Variants in PTPN3 observed in about 807,000 individuals in gnomAD.
PTPN3 encodes protein tyrosine phosphatase non-receptor type 3.
A neutral mutation model predicts 132.7 loss-of-function variants in PTPN3; 96 were observed. The ratio of observed to expected loss-of-function variants is 0.72; its 90% CI spans 0.61 to 0.86. PTPN3 has a LOEUF of 0.86. PTPN3 is among the 40% of genes least tolerant of loss of function. PTPN3 has a pLI of 0.00. For missense variants in PTPN3, 1,125 were observed against 1,159.6 expected (o/e 0.97, Z 0.43); for synonymous variants, 398 against 429.0 (o/e 0.93, Z 0.89).
rs1181690394 is a variant in PTPN3, at chr9:109,389,325, G to A, written c.2161C>T (p.Leu721=). 1 of 1,614,048 alleles carries A rather than the reference G, an allele frequency of 6.2e-7. No homozygotes were observed. Among genetic ancestry groups the A allele is most frequent in the Non-Finnish European group, 8.5e-7 (1 of 1,180,012 alleles). Residue 721 remains leucine, a synonymous_variant, in exon 22 of 26, where the codon CTG becomes TTG. Transcript: ENST00000374541. ...CAAAACTGTGCACAGGTATGCGGCA[G>A]GGGCCCCTGAGTGGCGATGTACTTG... ...VNKYIATQGP[L]PHTCAQFWQV... is the part of the protein sequence containing the mutation.
At chr9:109,426,459 A>C (rs1026527876) in intron 12 of PTPN3, among the ~76,000 whole-genome samples, 5 of 152,194 alleles carry the variant, frequency 3.3e-5, no homozygotes, top group African/African-American at 1.2e-4. Flanking sequence ...ATGCTCAGTA[A>C]TTATCAACTG....
At chr9:109,437,516 T>C (rs961394354) in intron 8 of PTPN3, among the ~76,000 whole-genome samples, 3 of 152,124 alleles carry the variant, frequency 2.0e-5, no homozygotes, top group Non-Finnish European at 2.9e-5. Context: ...TTGGTCAGGG[T>C]GGCCTTTATT....
chr9:109,395,162 T>C (rs377598358), intron 19 of PTPN3, among the ~76,000 whole-genome samples: 1 of 136,566 alleles, frequency 7.3e-6, no homozygotes, highest in African/African-American at 2.7e-5. Context: ...AAAAAAAAAG[T>C]GGAGGGAAGA....
At chr9:109,491,906 A>G (rs1847479287) in intron 1 of PTPN3, among the ~76,000 whole-genome samples, 1 of 152,192 alleles carries the variant, frequency 6.6e-6, no homozygotes, top group Non-Finnish European at 1.5e-5. Context: ...CATTTTGAGA[A>G]AAATAGGAGT....
chr9:109,426,203 T>A lies in PTPN3; in HGVS notation c.1001+747A>T, dbSNP rs1030517719. 1.2e-3 allele frequency among the ~76,000 whole-genome samples: 184 copies of A among 149,792 alleles called. 1 individual carries two copies. The highest frequency in any genetic ancestry group is 4.3e-3 in the African/African-American group (176 of 41,148). On this transcript the variant is annotated intron_variant, in intron 12 of 25. Coordinates refer to ENST00000374541, the MANE Select transcript of PTPN3 (RefSeq NM_002829.4). ...TTTTAAAATGTATATACGAATTATATATATCAATGTACATCCATTTCTTTT... is the reference window on the plus strand; with the variant it reads ...TTTTAAAATGTATATACGAATTATAAATATCAATGTACATCCATTTCTTTT...
intron 21 of PTPN3, 117 bp from the exon 22 acceptor site, chr9:109,389,496 T>C: frequency 1.9e-6 from 2 of 1,069,714 alleles, no homozygotes; most frequent in Non-Finnish European, 2.6e-6. Context: ...TATCTCTTTA[T>C]CAATTCACAG....
At chr9:109,534,211 C>T in the PTPN3 span, 5 of 1,310,852 alleles carry the variant, frequency 3.8e-6, no homozygotes, top group East Asian at 2.3e-5. Flanking sequence ...TGTGAAGCCT[C>T]CCGGGCCACC....
chr9:109,382,085 G>A (rs1839147639), intron 24 of PTPN3, among the ~76,000 whole-genome samples: 1 of 152,228 alleles, frequency 6.6e-6, no homozygotes, highest in African/African-American at 2.4e-5. Context: ...GGGTGTGTGA[G>A]GGGATTTTCT....
intron 1 of PTPN3, among the ~76,000 whole-genome samples, chr9:109,487,692 CAT>C (rs1467173552): frequency 6.6e-6 from 1 of 152,132 alleles, no homozygotes; most frequent in Non-Finnish European, 1.5e-5. Flanking sequence ...GCAACTTCTA[CAT>C]AGAGAAACTC....
At chr9:109,422,593 C>T in intron 13 of PTPN3, 125 bp downstream of exon 13, 1 of 1,155,306 alleles carries the variant, frequency 8.7e-7, no homozygotes, top group Non-Finnish European at 1.2e-6. Flanking sequence ...TTACTTCTGC[C>T]AAGAGCCTAA....
At chr9:109,391,046 A>G (rs1206522399) in intron 21 of PTPN3, 92 bp downstream of exon 21, 1 of 1,163,342 alleles carries the variant, frequency 8.6e-7, no homozygotes, top group Non-Finnish European at 1.3e-6. Flanking sequence ...ACGGGAAAGC[A>G]CTGTGTCAAC....
rs2131557346 is a variant in PTPN3 at position 109,376,631 on chromosome 9, C to T, written c.*2925G>A. Reference sequence around the variant, plus strand: ...TTAGATCTTTCAGAAAGTGCCAGAACATAGGATGTAAATGTCTTCTCCATT... The same window carrying T: ...TTAGATCTTTCAGAAAGTGCCAGAATATAGGATGTAAATGTCTTCTCCATT... On this transcript the variant is annotated 3_prime_UTR_variant, in exon 26 of 26. Coordinates refer to ENST00000374541, the MANE Select transcript of PTPN3 (RefSeq NM_002829.4). The T allele has an allele frequency of 6.6e-6, 1 of 152,282 alleles. No homozygotes were observed. Among genetic ancestry groups the T allele is most frequent in the East Asian group, 1.9e-4 (1 of 5,190 alleles). 9.4% of individuals were successfully genotyped at this position (152,282 alleles called of 1,614,324 possible).
At chr9:109,402,379 A>G (rs1028543882) in intron 19 of PTPN3, among the ~76,000 whole-genome samples, 1 of 151,950 alleles carries the variant, frequency 6.6e-6, no homozygotes, top group African/African-American at 2.4e-5. Flanking sequence ...CCTGGGTTCA[A>G]GTGATTCCCC....
chr9:109,437,720 C>A (rs187356969), intron 8 of PTPN3, among the ~76,000 whole-genome samples: 3 of 151,998 alleles, frequency 2.0e-5, no homozygotes, highest in Non-Finnish European at 2.9e-5. Flanking sequence ...CAGCACTGTA[C>A]GTCCATCTGT....
intron 13 of PTPN3, among the ~76,000 whole-genome samples, chr9:109,421,352 C>G (rs1842881341): frequency 6.6e-6 from 1 of 152,222 alleles, no homozygotes; most frequent in Non-Finnish European, 1.5e-5. Flanking sequence ...TCTATTTTCC[C>G]TCACAGTTTT....
At chr9:109,449,157 G>A in intron 5 of PTPN3, 1 of 1,181,622 alleles carries the variant, frequency 8.5e-7, no homozygotes, top group Non-Finnish European at 1.0e-6. Flanking sequence ...AGATGGGCTG[G>A]TACTATGGGT....
chr9:109,474,989 A>G (rs1364450328), intron 1 of PTPN3, among the ~76,000 whole-genome samples: 2 of 152,190 alleles, frequency 1.3e-5, no homozygotes, highest in African/African-American at 4.8e-5. Context: ...TAGCTACTAT[A>G]ATTAGACTGA....
At chr9:109,500,524 G>A (rs1301157847), upstream of PTPN3, among the ~76,000 whole-genome samples, 3 of 151,550 alleles carry the variant, frequency 2.0e-5, no homozygotes, top group African/African-American at 7.3e-5. Flanking sequence ...ACAGAGGGAT[G>A]ATTAATTAGG....
In PTPN3 at chr9:109,498,287, G is replaced by A. The variant is rs1056122768; in HGVS notation, c.-86C>T. 1 of 146,304 alleles carries A rather than the reference G, an allele frequency of 6.8e-6. No individual in the cohort carries two copies. The highest frequency in any genetic ancestry group is 1.5e-5 in the Non-Finnish European group (1 of 65,822). The allele number at this position is 146,304 out of a possible 1,614,324, so 9.1% of individuals were successfully genotyped here. A position where few individuals can be genotyped will look rare whatever the true frequency, so the allele number is the denominator to read the frequency against. ...GCGGGCGGCGCGGAAGCTCGCTCGC[G>A]GCGCGACCTGGCCGCCGTCTGAGCA... On this transcript the variant is annotated 5_prime_UTR_variant, in exon 1 of 26. Coordinates refer to ENST00000374541, the MANE Select transcript of PTPN3 (RefSeq NM_002829.4). The surrounding 1 kb of genome is among the most constrained non-coding windows in gnomAD (Gnocchi z 4.2).
Sources: gnomAD v4.1 joint callset for allele counts (sites outside exome capture counted in the v4.1 genomes callset) on GRCh38, gnomAD v4.1.1 for gene constraint, Gnocchi (gnomAD v3.1) non-coding constraint, MANE v1.5 for transcripts, NCBI Gene and HGNC (gene_info 2026-07-23, HGNC 2026-07-21) for gene names.